TRMT44: variants seen among roughly 807,000 people sequenced by gnomAD.
TRMT44 encodes the protein probable tRNA (uracil-O(2)-)-methyltransferase.
Under a neutral mutation model 77.3 loss-of-function variants are expected in TRMT44, and 78 were observed. That is an observed-to-expected ratio of 1.01 (90% CI 0.84 to 1.22). TRMT44 has a LOEUF of 1.22. Among genes scored for constraint, TRMT44 ranks in the 50% most tolerant of loss-of-function variants. TRMT44 has a pLI of 0.00. For missense variants in TRMT44, 1,090 were observed against 964.4 expected, an observed-to-expected ratio of 1.13 and a Z score of -1.73; for synonymous variants, 391 against 383.3, an observed-to-expected ratio of 1.02 and a Z score of -0.23.
intron 7 of TRMT44, 93 bp downstream of exon 7, chr4:8,464,184 G>C (rs975721069): frequency 6.6e-6 from 6 of 912,900 alleles, no homozygotes; most frequent in Admixed American, 2.3e-5. Context: ...GCTGCGTGCA[G>C]TTGTCAAGCA....
downstream of TRMT44, chr4:8,477,497 C>G (rs1727449914): frequency 6.6e-6 from 1 of 152,384 alleles, no homozygotes; most frequent in African/African-American, 2.4e-5. Flanking sequence ...CTGCTGAGGC[C>G]TCTGGGGTCC....
chr4:8,465,404 T>A lies in TRMT44; in HGVS notation c.1337T>A (p.Val446Asp), dbSNP rs758862638. Residue 446 changes from valine to aspartate, a missense_variant, in exon 8 of 11, where the codon GTC becomes GAC. Coordinates refer to ENST00000389737, the MANE Select transcript of TRMT44 (RefSeq NM_152544.3). ...ARSSYNCRFF[V>D]LPCCFFDFIG... ...TCTTCCTACAATTGCCGCTTCTTTG[T>A]CCTCCCCTGCTGCTTCTTTGACTTC... The A allele has an allele frequency of 6.2e-7, 1 of 1,613,322 alleles. No homozygotes were observed. The highest frequency in any genetic ancestry group is 1.7e-5 in the Admixed American group (1 of 59,890).
intron 2 of TRMT44, among the ~76,000 whole-genome samples, chr4:8,490,736 T>C (rs1727974687): frequency 1.3e-5 from 2 of 152,106 alleles, no homozygotes; most frequent in Admixed American, 6.5e-5. Context: ...GCTTCCACAG[T>C]GTGGAAGGGG....
intron 2 of TRMT44, among the ~76,000 whole-genome samples, chr4:8,482,073 C>T (rs931275550): frequency 6.6e-6 from 1 of 152,210 alleles, no homozygotes; most frequent in African/African-American, 2.4e-5. Flanking sequence ...AAAGCTTTTG[C>T]TAAACCCTTC....
intron 1 of TRMT44, among the ~76,000 whole-genome samples, chr4:8,445,999 C>A (rs143928843): frequency 2.0e-5 from 3 of 152,262 alleles, no homozygotes; most frequent in Non-Finnish European, 4.4e-5. Flanking sequence ...CTGTGAAGTC[C>A]GTACATGCAG....
chr4:8,486,574 C>T (rs1727811517), intron 2 of TRMT44, among the ~76,000 whole-genome samples: 1 of 148,766 alleles, frequency 6.7e-6, no homozygotes, highest in Admixed American at 6.8e-5. Context: ...AATAGACGGC[C>T]TTCTGACTTT....
chr4:8,480,087 G>C (rs908236617), downstream of TRMT44, among the ~76,000 whole-genome samples: 1 of 152,098 alleles, frequency 6.6e-6, no homozygotes, highest in African/African-American at 2.4e-5. Flanking sequence ...CCTCCTGTTA[G>C]GGGTGGCGAA....
At chr4:8,480,191 G>A (rs1399239642), downstream of TRMT44, among the ~76,000 whole-genome samples, 3 of 152,164 alleles carry the variant, frequency 2.0e-5, no homozygotes, top group African/African-American at 7.2e-5. Context: ...AGCATAAGGC[G>A]GAAAAAGGAG....
intron 1 of TRMT44, among the ~76,000 whole-genome samples, chr4:8,443,787 C>T (rs142476237): frequency 0.013 from 2,008 of 152,046 alleles, 50 homozygotes; most frequent in African/African-American, 0.046. Context: ...GGTGAAACCC[C>T]GTCTCTACTA....
At position 8,444,882 on chromosome 4, in the gene TRMT44, A is replaced by G. The variant is rs998074601; in HGVS notation, c.620-1594A>G. ...CCTGCTATGTACCCACAAAAATGAA[A>G]AATTTAAAAATTTTAAAAATCGAAA... On this transcript the variant is annotated intron_variant, in intron 1 of 10. Coordinates refer to ENST00000389737, the MANE Select transcript of TRMT44 (RefSeq NM_152544.3). The surrounding 1 kb of genome is among the most constrained non-coding windows in gnomAD (Gnocchi z 4.0). Among the ~76,000 whole-genome samples, 1 of 152,236 alleles carries G rather than the reference A, an allele frequency of 6.6e-6. No individual in the cohort carries two copies. Among genetic ancestry groups the G allele is most frequent in the African/African-American group, 2.4e-5 (1 of 41,458 alleles).
At position 8,483,475 on chromosome 4, in the gene TRMT44, A is replaced by C. The variant is rs930022221; in HGVS notation, n.3891+3942A>C. ...CTGGAATGAGACTGGGGCCTAATAA[A>C]AAGGAGCGTCTATACAGGAGCTCAA... On this transcript the variant is annotated intron_variant and non_coding_transcript_variant, in intron 2 of 2. Transcript: ENST00000511366. Among the ~76,000 whole-genome samples, 9 of 152,278 alleles carry C rather than the reference A, an allele frequency of 5.9e-5. No individual in the cohort carries two copies. In the East Asian group the frequency reaches 1.5e-3, roughly 26 times the overall value.
chr4:8,513,771 C>T, the TRMT44 span, among the ~76,000 whole-genome samples: 1 of 152,180 alleles, frequency 6.6e-6, no homozygotes, highest in East Asian at 1.9e-4. Context: ...CATCAATAAA[C>T]ATGGAAAGGT....
chr4:8,450,562 A>G (rs560413457), intron 3 of TRMT44, among the ~76,000 whole-genome samples: 1 of 152,336 alleles, frequency 6.6e-6, no homozygotes, highest in East Asian at 1.9e-4. Flanking sequence ...ATTTCATAAT[A>G]ACATGTGCTT....
chr4:8,468,014 T>G lies in TRMT44; in HGVS notation c.1595T>G (p.Val532Gly). ...QYIKSRRGCP[V>G]SPPGWELSPS... is the part of the protein sequence containing the mutation. ...ATTAAGAGCAGGCGGGGCTGCCCTG[T>G]AAGCCCACCTGGCTGGGAGCTTTCC... is the stretch of plus-strand genomic sequence containing the variant. The change falls in exon 9 of 11, where the codon GTA becomes GGA. Residue 532 changes from valine to glycine, a missense_variant. Physicochemically the swap from Val to Gly is moderately radical, Grantham distance 109. Coordinates refer to ENST00000389737, the MANE Select transcript of TRMT44 (RefSeq NM_152544.3). 1.2e-6 allele frequency: 2 copies of G among 1,614,042 alleles called. No individual in the cohort carries two copies. Among genetic ancestry groups the G allele is most frequent in the Non-Finnish European group, 1.7e-6 (2 of 1,180,030 alleles).
the TRMT44 span, among the ~76,000 whole-genome samples, chr4:8,500,503 T>A: frequency 7.3e-5 from 11 of 151,184 alleles, no homozygotes; most frequent in East Asian, 1.6e-3. Context: ...CTGGAAAAAA[T>A]AAATAAATAA....
chr4:8,442,543 C>T (rs897563559), intron 1 of TRMT44, among the ~76,000 whole-genome samples: 17 of 152,326 alleles, frequency 1.1e-4, no homozygotes, highest in Admixed American at 9.1e-4. Flanking sequence ...GTTAGGAATC[C>T]CCATTGGCTC....
chr4:8,470,606 T>TA (rs1726915277), intron 9 of TRMT44, among the ~76,000 whole-genome samples: 1 of 152,200 alleles, frequency 6.6e-6, no homozygotes, highest in Non-Finnish European at 1.5e-5. Context: ...TTCCTTTTTT[T>TA]AGTGCCTAGC....
At chr4:8,468,459 A>G in intron 9 of TRMT44, 113 bp downstream of exon 9, 1 of 1,126,938 alleles carries the variant, frequency 8.9e-7, no homozygotes, top group South Asian at 1.3e-5. Context: ...ACACACTTTG[A>G]AAAAGCCATT....
the TRMT44 span, among the ~76,000 whole-genome samples, chr4:8,502,477 G>A: frequency 6.6e-6 from 1 of 152,248 alleles, no homozygotes; most frequent in Non-Finnish European, 1.5e-5. Context: ...GCTTAGCAAG[G>A]TTCCCTGCTC....
Sources: gnomAD v4.1 joint callset for allele counts (sites outside exome capture counted in the v4.1 genomes callset) on GRCh38, gnomAD v4.1.1 for gene constraint, Gnocchi (gnomAD v3.1) non-coding constraint, MANE v1.5 for transcripts, NCBI Gene and HGNC (gene_info 2026-07-23, HGNC 2026-07-21) for gene names.